FRMD3: variants seen among roughly 807,000 people sequenced by gnomAD.
The protein encoded by FRMD3 is FERM domain containing 3.
FRMD3 carries 33 observed loss-of-function variants against 70.2 expected under a neutral mutation model. The ratio of observed to expected loss-of-function variants is 0.47; its 90% confidence interval spans 0.36 to 0.63. The LOEUF is 0.63. Ranked by LOEUF, FRMD3 falls within the 20% of genes least tolerant of loss-of-function variation. FRMD3 has a pLI of 0.00. For synonymous variants in FRMD3, 279 were observed against 255.9 expected, an observed-to-expected ratio of 1.09 and a Z score of -0.86; for missense variants, 632 against 711.4, an observed-to-expected ratio of 0.89 and a Z score of 1.27.
chr9:83,366,790 C>T (rs1334260111), intron 3 of FRMD3, among the ~76,000 whole-genome samples: 1 of 152,208 alleles, frequency 6.6e-6, no homozygotes, highest in Non-Finnish European at 1.5e-5. Context: ...TCCTGTAGAA[C>T]ATACAACATC....
chr9:83,546,077 C>G, the FRMD3 span, among the ~76,000 whole-genome samples: 1 of 149,958 alleles, frequency 6.7e-6, no homozygotes, highest in East Asian at 1.9e-4. Flanking sequence ...AAAAAAAAAG[C>G]CAGGCATGGT....
chr9:83,409,309 A>C lies in FRMD3; in HGVS notation c.148-19601T>G, dbSNP rs566532441. On this transcript the variant is annotated intron_variant, in intron 1 of 13. Coordinates refer to ENST00000304195, the MANE Select transcript of FRMD3 (RefSeq NM_174938.6). Reference sequence around the variant, plus strand: ...TGTTCAAAAATGGGATCAGCTCCCCACTCTTCCCGTCCTTAACTTTCAAGT... The same window carrying C: ...TGTTCAAAAATGGGATCAGCTCCCCCCTCTTCCCGTCCTTAACTTTCAAGT... Among the ~76,000 whole-genome samples the C allele has an allele frequency of 1.4e-4, 21 of 152,198 alleles. No individual in the cohort carries two copies. The East Asian group carries it at 4.1e-3, about 29-fold the overall frequency.
chr9:83,246,326 T>C lies in FRMD3; in HGVS notation c.*1592A>G, dbSNP rs1832094114. On this transcript the variant is annotated 3_prime_UTR_variant, in exon 14 of 14. Coordinates refer to ENST00000304195, the MANE Select transcript of FRMD3 (RefSeq NM_174938.6). Reference sequence around the variant, plus strand: ...TCCCACATAACACAGTATCAGCAGGTAGTCTGCATGGGAAGGCATCAGTAC... The same window carrying C: ...TCCCACATAACACAGTATCAGCAGGCAGTCTGCATGGGAAGGCATCAGTAC... 6.1e-6 allele frequency: 6 copies of C among 983,628 alleles called. No individual in the cohort carries two copies. The South Asian group carries it at 2.4e-4, about 39-fold the overall frequency. The allele number at this position is 983,628 out of a possible 1,614,324, so 60.9% of individuals were successfully genotyped here. A position where few individuals can be genotyped will look rare whatever the true frequency, so the allele number is the denominator to read the frequency against.
intron 3 of FRMD3, among the ~76,000 whole-genome samples, chr9:83,369,656 C>T (rs1300647461): frequency 6.6e-6 from 1 of 151,000 alleles, no homozygotes; most frequent in Non-Finnish European, 1.5e-5. Flanking sequence ...AGAAAACCAC[C>T]TTTTAAATCA....
chr9:83,381,274 G>T (rs201713668), intron 2 of FRMD3, among the ~76,000 whole-genome samples: 1 of 152,136 alleles, frequency 6.6e-6, no homozygotes, highest in Admixed American at 6.5e-5. Context: ...AAGAAAATCC[G>T]CTGGGCACAG....
At chr9:83,307,686 G>T (rs534878476) in intron 10 of FRMD3, among the ~76,000 whole-genome samples, 11 of 152,228 alleles carry the variant, frequency 7.2e-5, no homozygotes, top group African/African-American at 2.4e-4. Context: ...CTGGCATAAG[G>T]TTTATTTTGG....
chr9:83,343,199 T>C lies in FRMD3; in HGVS notation c.463A>G (p.Ile155Val), dbSNP rs199965799. 1,875 of 1,612,648 alleles carry C rather than the reference T, an allele frequency of 1.2e-3. 3 individuals carry two copies. The highest frequency in any genetic ancestry group is 2.1e-3 in the Admixed American group (126 of 59,990). ...FSDAAYLGAC[I>V]VQAELGDYDP... Reference sequence around the variant, plus strand: ...CTGTGGCCAGACTTACCTTGAACAATACAGGCACCCAGGTAGGCAGCATCA... The same window carrying C: ...CTGTGGCCAGACTTACCTTGAACAACACAGGCACCCAGGTAGGCAGCATCA... Residue 155 changes from isoleucine (I) to valine (V), a missense_variant, in exon 5 of 14, where the codon ATT becomes GTT. Physicochemically the swap from Ile to Val is conservative, Grantham distance 29. Around this residue, in one of 3 missense-constraint regions of FRMD3, gnomAD observed 208 missense variants for 247.7 expected, o/e 0.84. Transcript: ENST00000304195.
intron 4 of FRMD3, among the ~76,000 whole-genome samples, chr9:83,345,618 G>A (rs1169742411): frequency 1.3e-5 from 2 of 151,966 alleles, no homozygotes; most frequent in Admixed American, 6.6e-5. Context: ...TTAGTCGGGC[G>A]TGGTGGTGGG....
At chr9:83,285,072 C>T (rs1834141370) in intron 13 of FRMD3, among the ~76,000 whole-genome samples, 1 of 152,214 alleles carries the variant, frequency 6.6e-6, no homozygotes, top group Admixed American at 6.5e-5. Context: ...CACGAAATGC[C>T]TTTGCGTGTT....
At chr9:83,309,680 C>A in intron 9 of FRMD3, 56 bp from the exon 10 acceptor site, 3 of 1,162,088 alleles carry the variant, frequency 2.6e-6, no homozygotes, top group Non-Finnish European at 3.7e-6. Flanking sequence ...TTACATTTTC[C>A]ATGGGTTTTT....
intron 1 of FRMD3, among the ~76,000 whole-genome samples, chr9:83,534,594 A>G (rs1829853144): frequency 6.6e-6 from 1 of 152,326 alleles, no homozygotes; most frequent in South Asian, 2.1e-4. Flanking sequence ...CCCTCTAATC[A>G]GAGCACAACT....
In FRMD3 at chr9:83,311,964, G is replaced by A; in HGVS notation, c.696C>T (p.Gly232=). ...CTGTGAATCCTAAAAATGTTGTTGT[G>A]CCTGTTGAATCCTGAAAAAAAAAAA... The part of the protein sequence containing the change: ...VDPHPCKDST[G]TTTFLGFTAA... The change falls in exon 8 of 14, where the codon GGC becomes GGT. Residue 232 remains glycine (G), a synonymous_variant. Coordinates refer to ENST00000304195, the MANE Select transcript of FRMD3 (RefSeq NM_174938.6). 6.3e-7 allele frequency: 1 copy of A among 1,592,676 alleles called. No individual in the cohort carries two copies. Among genetic ancestry groups the A allele is most frequent in the Non-Finnish European group, 8.5e-7 (1 of 1,170,608 alleles).
At chr9:83,568,198 A>T in the FRMD3 span, among the ~76,000 whole-genome samples, 40 of 152,298 alleles carry the variant, frequency 2.6e-4, no homozygotes, top group Admixed American at 4.6e-4. Context: ...ATCTCATGAG[A>T]CTTATTCACT....
chr9:83,490,641 G>A lies in FRMD3; in HGVS notation c.147+47444C>T, dbSNP rs575730434. On this transcript the variant is annotated intron_variant, in intron 1 of 13. Transcript: ENST00000304195. ...AATCTATTTGGCACAAAAAAGATTC[G>A]TAGGAAACTTGGATACTAGAAAAAC... Among the ~76,000 whole-genome samples, 35 of 152,138 alleles carry A rather than the reference G, an allele frequency of 2.3e-4. No individual in the cohort carries two copies. In the South Asian group the frequency reaches 4.2e-3, roughly 18 times the overall value.
intron 1 of FRMD3, among the ~76,000 whole-genome samples, chr9:83,496,755 C>T (rs1041711608): frequency 1.3e-4 from 20 of 152,146 alleles, no homozygotes; most frequent in African/African-American, 4.1e-4. Context: ...GTTGTTTCCC[C>T]AGGGTCTGTA....
At position 83,537,940 on chromosome 9, in the gene FRMD3, G is replaced by C; in HGVS notation, c.147+145C>G. The C allele has an allele frequency of 1.1e-6, 1 of 895,444 alleles. No individual in the cohort carries two copies. The highest frequency in any genetic ancestry group is 1.7e-5 in the South Asian group (1 of 58,558). The allele number at this position is 895,444 out of a possible 1,614,324, so 55.5% of individuals were successfully genotyped here. ...GCCAGGATAAGGCCCCCCACCCTCA[G>C]AGGCCTGAGGAATCGAAATCTGGCT... is the stretch of plus-strand genomic sequence containing the variant. On this transcript the variant is annotated intron_variant, in intron 1 of 13. Transcript: ENST00000304195. The surrounding 1 kb of genome is among the most constrained non-coding windows in gnomAD (Gnocchi z 4.1).
At chr9:83,355,983 C>T (rs1824322982) in intron 3 of FRMD3, among the ~76,000 whole-genome samples, 1 of 152,192 alleles carries the variant, frequency 6.6e-6, no homozygotes. Flanking sequence ...CTCGGGGCAG[C>T]TCAGTGGCCC....
chr9:83,546,540 C>T, the FRMD3 span, among the ~76,000 whole-genome samples: 28 of 152,058 alleles, frequency 1.8e-4, 1 homozygote, highest in Admixed American at 6.6e-5. Flanking sequence ...AAAATGTCTT[C>T]ATCATAAAAA....
chr9:83,466,664 TGA>T (rs2131450276), intron 1 of FRMD3, among the ~76,000 whole-genome samples: 1 of 152,208 alleles, frequency 6.6e-6, no homozygotes, highest in African/African-American at 2.4e-5. Context: ...AGGCAAATAA[TGA>T]GAGCTGGAAA....
Sources: gnomAD v4.1 joint callset for allele counts (sites outside exome capture counted in the v4.1 genomes callset) on GRCh38, gnomAD v4.1.1 for gene constraint, gnomAD v4.1.1 regional missense constraint, Gnocchi (gnomAD v3.1) non-coding constraint, MANE v1.5 for transcripts, NCBI Gene and HGNC (gene_info 2026-07-23, HGNC 2026-07-21) for gene names.